The following VWC2L variants were observed in gnomAD, a reference collection of about 807,000 sequenced individuals.
The protein encoded by VWC2L is von Willebrand factor C domain-containing protein 2-like.
A neutral mutation model predicts 21.6 loss-of-function variants in VWC2L; 10 were observed. The ratio of observed to expected loss-of-function variants is 0.46; its 90% CI spans 0.29 to 0.78. The LOEUF (loss-of-function observed/expected upper bound fraction) is 0.78, where lower values mean the gene tolerates loss of function less well. VWC2L is among the 30% of genes least tolerant of loss of function. The pLI is 0.10. For missense variants in VWC2L, 209 were observed against 277.1 expected (o/e 0.75, Z 1.74); for synonymous variants, 96 against 94.3 (o/e 1.02, Z -0.10).
intron 3 of VWC2L, among the ~76,000 whole-genome samples, chr2:214,461,078 G>A (rs987596456): frequency 6.6e-6 from 1 of 152,228 alleles, no homozygotes; most frequent in African/African-American, 2.4e-5. Flanking sequence ...AGTTATTAGT[G>A]GAGGCTGTGG....
intron 3 of VWC2L, among the ~76,000 whole-genome samples, chr2:214,480,732 T>C (rs1688590355): frequency 6.6e-6 from 1 of 151,772 alleles, no homozygotes; most frequent in African/African-American, 2.4e-5. Context: ...GCTTGGAAAA[T>C]AGGCACACTC....
intron 3 of VWC2L, among the ~76,000 whole-genome samples, chr2:214,505,045 C>T (rs1688948660): frequency 6.6e-6 from 1 of 152,186 alleles, no homozygotes. Flanking sequence ...TCCTGTCCAC[C>T]TCCATCCCCA....
At position 214,575,987 on chromosome 2, in the gene VWC2L, C is replaced by A. The variant is rs1490583521; in HGVS notation, c.*167C>A. The stretch of plus-strand genomic sequence containing the variant: ...TGAATATTTTCCTAAGAGGAAATTT[C>A]TTTCTCTCTTGCTATATAAAATATA... On this transcript the variant is annotated 3_prime_UTR_variant, in exon 4 of 4. Transcript: ENST00000312504. The A allele has an allele frequency of 3.1e-6, 2 of 653,416 alleles. No homozygotes were observed. Among genetic ancestry groups the A allele is most frequent in the East Asian group, 2.9e-5 (1 of 33,914 alleles). The allele number at this position is 653,416 out of a possible 1,614,324, so 40.5% of individuals were successfully genotyped here. A position where few individuals can be genotyped will look rare whatever the true frequency, so the allele number is the denominator to read the frequency against.
At chr2:214,416,365 CTAAT>C (rs1223423200) in intron 2 of VWC2L, among the ~76,000 whole-genome samples, 2 of 151,974 alleles carry the variant, frequency 1.3e-5, no homozygotes. Flanking sequence ...CTACTATAAT[CTAAT>C]TAATCCCTAC....
intron 2 of VWC2L, chr2:214,415,217 A>G (rs1390995850): frequency 1.3e-5 from 2 of 152,136 alleles, no homozygotes; most frequent in Non-Finnish European, 2.9e-5. Flanking sequence ...TTTTCAGCCT[A>G]CCTGGTATTT....
At chr2:214,554,231 A>G (rs1042928254) in intron 3 of VWC2L, among the ~76,000 whole-genome samples, 1 of 152,142 alleles carries the variant, frequency 6.6e-6, no homozygotes, top group African/African-American at 2.4e-5. Flanking sequence ...CTAACTTTGT[A>G]TTTGCCTCAC....
chr2:214,480,398 A>C (rs1204621324), intron 3 of VWC2L, among the ~76,000 whole-genome samples: 1 of 152,214 alleles, frequency 6.6e-6, no homozygotes, highest in Non-Finnish European at 1.5e-5. Flanking sequence ...TGAATGGACA[A>C]TTACTTGATA....
intron 3 of VWC2L, among the ~76,000 whole-genome samples, chr2:214,572,637 GGAAGAAGGGCTAAAA>G (rs1690166562): frequency 6.6e-6 from 1 of 152,146 alleles, no homozygotes; most frequent in Non-Finnish European, 1.5e-5. Context: ...CCACTATTAA[GGAAGAAGGGCTAAAA>G]CCAGAATCAT....
intron 3 of VWC2L, among the ~76,000 whole-genome samples, chr2:214,556,791 G>A (rs1689879278): frequency 6.6e-6 from 1 of 152,124 alleles, no homozygotes; most frequent in South Asian, 2.1e-4. Flanking sequence ...TATTCCTCCA[G>A]TTTAACTCCT....
intron 2 of VWC2L, 35 bp downstream of exon 2, chr2:214,414,618 A>C: frequency 1.3e-6 from 2 of 1,593,070 alleles, no homozygotes; most frequent in Non-Finnish European, 1.7e-6. Flanking sequence ...TGAAATATCA[A>C]CTTTTCATAC....
chr2:214,486,557 T>C (rs1688675114), intron 3 of VWC2L, among the ~76,000 whole-genome samples: 1 of 152,074 alleles, frequency 6.6e-6, no homozygotes, highest in South Asian at 2.1e-4. Context: ...CGTTGATGAG[T>C]AAAAAATAGC....
chr2:214,414,554 A>G lies in VWC2L; in HGVS notation c.361A>G (p.Lys121Glu). ...EVKNFCEYHG[K>E]NYKILEEFKP... ...AAAAAACTTCTGTGAATATCACGGG[A>G]AAAATTACAAAATCTTGGAGGAATT... The change falls in exon 2 of 4, where the codon AAA (lysine) becomes GAA (glutamate). Residue 121 changes from lysine to glutamate, a missense_variant. Lys to Glu is a moderately conservative substitution (Grantham distance 56). Transcript: ENST00000312504. The G allele has an allele frequency of 6.2e-7, 1 of 1,612,864 alleles. No individual in the cohort carries two copies. Among genetic ancestry groups the G allele is most frequent in the Non-Finnish European group, 8.5e-7 (1 of 1,179,536 alleles).
Position 214,463,579 on chromosome 2 carries a change from C to T in VWC2L, c.520+26821C>T, listed in dbSNP as rs935886397. Among the ~76,000 whole-genome samples, 9 of 152,178 alleles carry T rather than the reference C, an allele frequency of 5.9e-5. 1 individual carries two copies. The Middle Eastern group carries it at 0.01, about 176-fold the overall frequency. ...CTTATGTTTAATGTGACTGTTGATACATGGTTTAAATTTATCAGTTTAATT... is the reference window on the plus strand; with the variant it reads ...CTTATGTTTAATGTGACTGTTGATATATGGTTTAAATTTATCAGTTTAATT... On this transcript the variant is annotated intron_variant, in intron 3 of 3. Coordinates refer to ENST00000312504, the MANE Select transcript of VWC2L (RefSeq NM_001080500.4).
At chr2:214,489,779 A>G (rs185458430) in intron 3 of VWC2L, among the ~76,000 whole-genome samples, 5 of 152,196 alleles carry the variant, frequency 3.3e-5, no homozygotes, top group African/African-American at 1.2e-4. Flanking sequence ...TTTCTTGTCA[A>G]TTGGTGTTGC....
At chr2:214,418,881 T>C (rs1467742809) in intron 2 of VWC2L, among the ~76,000 whole-genome samples, 1 of 152,246 alleles carries the variant, frequency 6.6e-6, no homozygotes, top group Non-Finnish European at 1.5e-5. Flanking sequence ...CTTTACTTTC[T>C]TCCTCTCTCA....
chr2:214,484,787 A>G (rs1688653581), intron 3 of VWC2L, among the ~76,000 whole-genome samples: 2 of 152,222 alleles, frequency 1.3e-5, no homozygotes, highest in South Asian at 4.1e-4. Context: ...CATTTGTGTA[A>G]TATTTTCCTT....
At chr2:214,560,579 G>A (rs1337120913) in intron 3 of VWC2L, among the ~76,000 whole-genome samples, 1 of 152,194 alleles carries the variant, frequency 6.6e-6, no homozygotes, top group African/African-American at 2.4e-5. Context: ...TTAATCGTCA[G>A]AAGTAGAAGG....
At chr2:214,550,240 A>G (rs1689772195) in intron 3 of VWC2L, among the ~76,000 whole-genome samples, 1 of 152,204 alleles carries the variant, frequency 6.6e-6, no homozygotes, top group African/African-American at 2.4e-5. Flanking sequence ...AGGTCAGTGG[A>G]ATTTCAACCA....
chr2:214,514,118 G>A (rs1689102714), intron 3 of VWC2L, among the ~76,000 whole-genome samples: 1 of 151,334 alleles, frequency 6.6e-6, no homozygotes, highest in South Asian at 2.1e-4. Flanking sequence ...GTAATGCCAT[G>A]TTAATTTGGA....
Sources: gnomAD v4.1 joint callset for allele counts (sites outside exome capture counted in the v4.1 genomes callset) on GRCh38, gnomAD v4.1.1 for gene constraint, MANE v1.5 for transcripts, NCBI Gene and HGNC (gene_info 2026-07-23, HGNC 2026-07-21) for gene names.